TBX15: variants seen among roughly 807,000 people sequenced by gnomAD.
TBX15 encodes the protein T-box transcription factor 15, also known as T-box transcription factor TBX15.
TBX15 carries 18 observed loss-of-function variants against 53.9 expected under a neutral mutation model. The observed-to-expected ratio is 0.33, with a 90% CI of 0.23 to 0.49. The LOEUF is 0.49. Among genes scored for constraint, TBX15 ranks in the 20% least tolerant of loss-of-function variants. TBX15 has a pLI of 0.98. For missense variants in TBX15, 692 were observed against 749.5 expected, an observed-to-expected ratio of 0.92 and a Z score of 0.90; for synonymous variants, 295 against 278.0, an observed-to-expected ratio of 1.06 and a Z score of -0.61.
At chr1:118,927,736 A>T (rs1407191366) in intron 2 of TBX15, among the ~76,000 whole-genome samples, 1 of 152,260 alleles carries the variant, frequency 6.6e-6, no homozygotes, top group Non-Finnish European at 1.5e-5. Flanking sequence ...GAGACAGAGC[A>T]GCCCAAAAGA....
chr1:118,983,738 T>C (rs1271709195), intron 1 of TBX15, among the ~76,000 whole-genome samples: 2 of 152,052 alleles, frequency 1.3e-5, no homozygotes, highest in African/African-American at 2.4e-5. Flanking sequence ...CAAACCAAGG[T>C]TCCTTGTCCC....
chr1:118,924,688 G>A lies in TBX15; in HGVS notation c.651C>T (p.Asp217=). 4.3e-6 allele frequency: 7 copies of A among 1,614,058 alleles called. No homozygotes were observed. Among genetic ancestry groups the A allele is most frequent in the Non-Finnish European group, 5.9e-6 (7 of 1,179,966 alleles). The change falls in exon 4 of 8, where the codon GAC becomes GAT. Residue 217 remains aspartate (D), a synonymous_variant. Coordinates refer to ENST00000369429, the MANE Select transcript of TBX15 (RefSeq NM_001330677.2). Reference sequence around the variant, plus strand: ...ACTCATTGTTGGTAAGCTTGAGTTTGTCAAAACTGACCACCTGTCTCATCC... The same window carrying A: ...ACTCATTGTTGGTAAGCTTGAGTTTATCAAAACTGACCACCTGTCTCATCC... The part of the protein sequence containing the change: ...DTWMRQVVSF[D]KLKLTNNELD...
intron 7 of TBX15, among the ~76,000 whole-genome samples, chr1:118,891,403 G>T (rs1654136311): frequency 1.3e-5 from 2 of 152,034 alleles, no homozygotes; most frequent in Admixed American, 1.3e-4. Flanking sequence ...TTGTTTTACT[G>T]CCTTCCTTGC....
At position 118,970,898 on chromosome 1, in the gene TBX15, A is replaced by G. The variant is rs1402788753; in HGVS notation, c.205+16693T>C. On this transcript the variant is annotated intron_variant, in intron 1 of 7. Coordinates refer to ENST00000369429, the MANE Select transcript of TBX15 (RefSeq NM_001330677.2). ...GCACATATTCCCCACTGCTCTTGGG[A>G]AGGAAAAGCCAGAAAAAATTTCTGT... Among the ~76,000 whole-genome samples, 4 of 152,146 alleles carry G rather than the reference A, an allele frequency of 2.6e-5. No homozygotes were observed. In the East Asian group the frequency reaches 5.8e-4, roughly 22 times the overall value.
intron 5 of TBX15, among the ~76,000 whole-genome samples, chr1:118,919,212 G>A (rs976777736): frequency 2.0e-5 from 3 of 152,152 alleles, no homozygotes; most frequent in South Asian, 2.1e-4. Context: ...AAAAATCAAC[G>A]TTCAGCATTC....
At chr1:118,975,997 G>A (rs1029850182) in intron 1 of TBX15, among the ~76,000 whole-genome samples, 2 of 152,172 alleles carry the variant, frequency 1.3e-5, no homozygotes, top group South Asian at 2.1e-4. Flanking sequence ...TCTCTTCTCT[G>A]TTCCTCTTTC....
chr1:118,964,911 A>T (rs1332793191), intron 1 of TBX15, among the ~76,000 whole-genome samples: 1 of 152,166 alleles, frequency 6.6e-6, no homozygotes, highest in African/African-American at 2.4e-5. Flanking sequence ...CTCACCCCCA[A>T]CTGCAAGGAA....
chr1:118,935,791 G>C (rs1316353545), intron 1 of TBX15, among the ~76,000 whole-genome samples: 1 of 152,080 alleles, frequency 6.6e-6, no homozygotes, highest in Non-Finnish European at 1.5e-5. Context: ...TCTCACTCTA[G>C]CAATAATAAT....
At chr1:118,896,642 A>G (rs920390288) in intron 7 of TBX15, among the ~76,000 whole-genome samples, 4 of 152,202 alleles carry the variant, frequency 2.6e-5, no homozygotes, top group African/African-American at 9.7e-5. Flanking sequence ...TCACCTCATT[A>G]AAAGGGAATT....
chr1:118,900,814 A>G (rs1161511469), intron 6 of TBX15, among the ~76,000 whole-genome samples: 1 of 152,182 alleles, frequency 6.6e-6, no homozygotes, highest in Non-Finnish European at 1.5e-5. Context: ...AGAAATAGAT[A>G]GGCCAGGCTT....
intron 1 of TBX15, among the ~76,000 whole-genome samples, chr1:118,975,231 C>T (rs1190702897): frequency 2.6e-5 from 4 of 152,272 alleles, no homozygotes; most frequent in South Asian, 2.1e-4. Context: ...GAAGGCTGCA[C>T]GTGTGCCATT....
chr1:118,984,604 A>C (rs7526102), intron 1 of TBX15, among the ~76,000 whole-genome samples: 116,942 of 152,164 alleles, frequency 0.77, 45,250 homozygotes, highest in East Asian at 0.86. Flanking sequence ...AGGGCGGGGG[A>C]GAGCAGGCTC....
At chr1:118,975,553 T>C (rs1657395853) in intron 1 of TBX15, among the ~76,000 whole-genome samples, 1 of 152,226 alleles carries the variant, frequency 6.6e-6, no homozygotes, top group Non-Finnish European at 1.5e-5. Context: ...CACGCAGGGC[T>C]GAGTTTAAAT....
intron 3 of TBX15, among the ~76,000 whole-genome samples, chr1:118,925,633 T>A (rs892923518): frequency 1.3e-5 from 2 of 152,186 alleles, no homozygotes; most frequent in African/African-American, 2.4e-5. Context: ...ACATGGGACC[T>A]GGACCCTGAG....
At chr1:118,901,406 A>G (rs1434638098) in intron 6 of TBX15, 2 of 456,632 alleles carry the variant, frequency 4.4e-6, no homozygotes, top group Admixed American at 4.7e-5. Flanking sequence ...TAAAGGTCCC[A>G]TCTCTTAACA....
intron 1 of TBX15, among the ~76,000 whole-genome samples, chr1:118,975,584 T>C (rs1657396881): frequency 1.3e-5 from 2 of 152,210 alleles, no homozygotes; most frequent in South Asian, 2.1e-4. Flanking sequence ...TCACTTAAAG[T>C]ATACTGGAAC....
chr1:118,978,944 C>T (rs557811249), intron 1 of TBX15, among the ~76,000 whole-genome samples: 58 of 152,146 alleles, frequency 3.8e-4, no homozygotes, highest in Non-Finnish European at 7.6e-4. Context: ...AATGTTTGCC[C>T]CTCCCCACTG....
chr1:118,925,137 C>T (rs763649530), intron 3 of TBX15, among the ~76,000 whole-genome samples: 12 of 152,324 alleles, frequency 7.9e-5, no homozygotes, highest in South Asian at 4.1e-4. Context: ...ATGCCGTGCA[C>T]CCCTGTGTGC....
Position 118,885,341 on chromosome 1 carries a change from T to G in TBX15, c.1200A>C (p.Pro400=). Residue 400 remains proline (P), a synonymous_variant, in exon 8 of 8, where the codon CCA becomes CCC. Coordinates refer to ENST00000369429, the MANE Select transcript of TBX15 (RefSeq NM_001330677.2). ...QLCNLNLSDY[P]PCARSNMAAL... is the part of the protein sequence containing the mutation. ...CAGCCATGTTGCTTCGGGCACATGGTGGATAATCAGAGAGGTTTAGATTAC... is the reference window on the plus strand; with the variant it reads ...CAGCCATGTTGCTTCGGGCACATGGGGGATAATCAGAGAGGTTTAGATTAC... The G allele has an allele frequency of 6.2e-7, 1 of 1,613,962 alleles. No homozygotes were observed. The highest frequency in any genetic ancestry group is 8.5e-7 in the Non-Finnish European group (1 of 1,180,016).
Sources: gnomAD v4.1 joint callset for allele counts (sites outside exome capture counted in the v4.1 genomes callset) on GRCh38, gnomAD v4.1.1 for gene constraint, MANE v1.5 for transcripts, NCBI Gene and HGNC (gene_info 2026-07-23, HGNC 2026-07-21) for gene names.